Variants in KCTD10 observed in about 807,000 individuals in gnomAD.
KCTD10 encodes the protein BTB/POZ domain-containing adapter for CUL3-mediated RhoA degradation protein 3.
In KCTD10, 13 loss-of-function variants were observed where a neutral mutation model predicts 34.6. The ratio of observed to expected loss-of-function variants is 0.38; its 90% CI spans 0.24 to 0.60. The LOEUF (loss-of-function observed/expected upper bound fraction) is 0.60. Among genes scored for constraint, KCTD10 ranks in the 20% least tolerant of loss-of-function variants. KCTD10 has a pLI of 0.66. For missense variants in KCTD10, 256 were observed against 420.3 expected, an observed-to-expected ratio of 0.61 and a Z score of 3.42; for synonymous variants, 156 against 168.8, an observed-to-expected ratio of 0.92 and a Z score of 0.59.
At chr12:109,475,394 T>G (rs777187146) in intron 1 of KCTD10, among the ~76,000 whole-genome samples, 1 of 152,098 alleles carries the variant, frequency 6.6e-6, no homozygotes, top group Non-Finnish European at 1.5e-5. Flanking sequence ...GGAGGACTGC[T>G]TGAGGCAGGG....
chr12:109,468,814 G>A (rs1318218080), intron 2 of KCTD10, among the ~76,000 whole-genome samples: 3 of 151,994 alleles, frequency 2.0e-5, no homozygotes, highest in East Asian at 3.9e-4. Context: ...CACCACGCCC[G>A]GCTAATTTTT....
intron 1 of KCTD10, among the ~76,000 whole-genome samples, chr12:109,476,039 C>T (rs932378218): frequency 4.2e-4 from 64 of 152,348 alleles, no homozygotes; most frequent in African/African-American, 1.4e-3. Context: ...TGACTCCCAA[C>T]TCCTTTGCCC....
In KCTD10 at chr12:109,451,842, A is replaced by G. The variant is rs1168482294; in HGVS notation, c.724-29T>C. 6.3e-7 allele frequency: 1 copy of G among 1,579,724 alleles called. No individual in the cohort carries two copies. Among genetic ancestry groups the G allele is most frequent in the Non-Finnish European group, 8.6e-7 (1 of 1,157,020 alleles). On this transcript the variant is annotated intron_variant, in intron 6 of 6. Transcript: ENST00000228495. The surrounding 1 kb of genome is among the most constrained non-coding windows in gnomAD (Gnocchi z 5.0). ...TGTTCCCACAGTATACAGGGCAGGT[A>G]AGTTATGGCCCACCCCCTCTGCCAA...
At chr12:109,475,683 G>C (rs1211402699) in intron 1 of KCTD10, among the ~76,000 whole-genome samples, 1 of 152,204 alleles carries the variant, frequency 6.6e-6, no homozygotes, top group Non-Finnish European at 1.5e-5. Flanking sequence ...TGCCAGGGAT[G>C]TGAGGCAAAG....
At chr12:109,455,299 G>A (rs1872960755) in intron 6 of KCTD10, among the ~76,000 whole-genome samples, 1 of 152,110 alleles carries the variant, frequency 6.6e-6, no homozygotes, top group Admixed American at 6.5e-5. Context: ...CTGAGTGAGA[G>A]TGCCCAAGCT....
intron 5 of KCTD10, 85 bp downstream of exon 5, chr12:109,457,544 GA>G: frequency 8.7e-7 from 1 of 1,145,086 alleles, no homozygotes; most frequent in Non-Finnish European, 1.3e-6. Flanking sequence ...ATCCTCATCT[GA>G]AGGTACGAAG....
rs1176045076 is a variant in KCTD10, at chr12:109,451,557, G to C, written c.*38C>G. 1 of 1,563,284 alleles carries C rather than the reference G, an allele frequency of 6.4e-7. No individual in the cohort carries two copies. The highest frequency in any genetic ancestry group is 8.7e-7 in the Non-Finnish European group (1 of 1,149,442). On this transcript the variant is annotated 3_prime_UTR_variant, in exon 7 of 7. Transcript: ENST00000228495. The surrounding 1 kb of genome is among the most constrained non-coding windows in gnomAD (Gnocchi z 5.0). ...TCTGGGTGTAGCACGGCAGGGAGTG[G>C]GGGCGGTGAGAGGAGGGCGGCTCGG...
rs1872713696 is a variant in KCTD10 at position 109,450,394 on chromosome 12, G to A, written c.*1201C>T. On this transcript the variant is annotated 3_prime_UTR_variant, in exon 7 of 7. Transcript: ENST00000228495. ...CCACAAGCACACGTCCCCACCCACA[G>A]TCACACATATCCCTTAAACAAACAT... The A allele has an allele frequency of 2.5e-6, 1 of 399,136 alleles. No homozygotes were observed. Among genetic ancestry groups the A allele is most frequent in the East Asian group, 3.6e-5 (1 of 28,100 alleles). 24.7% of individuals were successfully genotyped at this position (399,136 alleles called of 1,614,324 possible).
At chr12:109,463,809 G>A (rs1873466846) in intron 2 of KCTD10, among the ~76,000 whole-genome samples, 1 of 152,242 alleles carries the variant, frequency 6.6e-6, no homozygotes, top group Non-Finnish European at 1.5e-5. Context: ...AAAATATGAT[G>A]AAAGAACGTA....
intron 2 of KCTD10, among the ~76,000 whole-genome samples, chr12:109,466,571 T>C (rs947303887): frequency 1.4e-5 from 2 of 140,676 alleles, no homozygotes; most frequent in African/African-American, 5.8e-5. Context: ...CAGGCCTGGC[T>C]AACATCAACA....
intron 6 of KCTD10, 100 bp downstream of exon 6, chr12:109,456,018 T>G: frequency 8.6e-7 from 1 of 1,158,662 alleles, no homozygotes; most frequent in Non-Finnish European, 1.2e-6. Flanking sequence ...AGCAAAGCAT[T>G]TTAAAAGCAT....
At chr12:109,461,477 C>T (rs993467829) in intron 2 of KCTD10, among the ~76,000 whole-genome samples, 7 of 152,242 alleles carry the variant, frequency 4.6e-5, no homozygotes, top group Admixed American at 3.9e-4. Flanking sequence ...AAAAAGGTCC[C>T]AAAGCTGACC....
At chr12:109,473,797 T>C (rs78980656) in intron 1 of KCTD10, among the ~76,000 whole-genome samples, 2 of 151,802 alleles carry the variant, frequency 1.3e-5, no homozygotes, top group African/African-American at 2.4e-5. Context: ...TTTTTTTTTT[T>C]TGAGACTGAG....
At chr12:109,472,537 T>C (rs962760015) in intron 1 of KCTD10, among the ~76,000 whole-genome samples, 1 of 152,058 alleles carries the variant, frequency 6.6e-6, no homozygotes, top group African/African-American at 2.4e-5. Flanking sequence ...GGTAGGAGTA[T>C]ATTCTAAAAT....
chr12:109,454,695 C>T (rs998291806), intron 6 of KCTD10, among the ~76,000 whole-genome samples: 5 of 152,222 alleles, frequency 3.3e-5, no homozygotes, highest in African/African-American at 1.2e-4. Context: ...TGTCACTGTA[C>T]TCAAGCCTGG....
intron 1 of KCTD10, among the ~76,000 whole-genome samples, chr12:109,475,518 T>TG (rs143164188): frequency 0.085 from 12,974 of 152,058 alleles, 1,294 homozygotes; most frequent in African/African-American, 0.24. Flanking sequence ...TGTGCTTGCC[T>TG]GGGCTACACC....
At chr12:109,461,582 A>G (rs1873332742) in intron 2 of KCTD10, among the ~76,000 whole-genome samples, 1 of 152,204 alleles carries the variant, frequency 6.6e-6, no homozygotes. Context: ...CACTGAGCTG[A>G]CATTCCTCCA....
chr12:109,468,702 G>C (rs1479329561), intron 2 of KCTD10, among the ~76,000 whole-genome samples: 1 of 147,570 alleles, frequency 6.8e-6, no homozygotes, highest in East Asian at 2.0e-4. Flanking sequence ...GCCCAGGCTG[G>C]AGTGCAGTGG....
In KCTD10 at chr12:109,451,658, C is replaced by T. The variant is rs766603420; in HGVS notation, c.879G>A (p.Arg293=). The change falls in exon 7 of 7, where the codon CGG becomes CGA. Residue 293 remains arginine, a synonymous_variant. Coordinates refer to ENST00000228495, the MANE Select transcript of KCTD10 (RefSeq NM_031954.5). The surrounding 1 kb of genome is among the most constrained non-coding windows in gnomAD (Gnocchi z 5.0). ...TGTGGATCCTCCGCACGCGCTCGAT[C>T]CGCTCCCGCTCCTCGTCCTCGTCCA... ...HHLDEDEERE[R]IERVRRIHIK... is the part of the protein sequence containing the mutation. 2 of 1,613,236 alleles carry T rather than the reference C, an allele frequency of 1.2e-6. No individual in the cohort carries two copies. Among genetic ancestry groups the T allele is most frequent in the Admixed American group, 3.3e-5 (2 of 59,978 alleles).
Sources: gnomAD v4.1 joint callset for allele counts (sites outside exome capture counted in the v4.1 genomes callset) on GRCh38, gnomAD v4.1.1 for gene constraint, Gnocchi (gnomAD v3.1) non-coding constraint, MANE v1.5 for transcripts, NCBI Gene and HGNC (gene_info 2026-07-23, HGNC 2026-07-21) for gene names.